RBFOX1: variants seen among roughly 807,000 people sequenced by gnomAD.
RBFOX1 encodes RNA binding fox-1 homolog 1, also known as RNA binding protein fox-1 homolog 1.
RBFOX1 carries 8 observed loss-of-function variants against 57.7 expected under a neutral mutation model. The observed-to-expected ratio is 0.14, with a 90% CI of 0.08 to 0.25. The LOEUF is 0.25. RBFOX1 is among the 10% of genes least tolerant of loss of function. RBFOX1 has a pLI of 1.00. For synonymous variants in RBFOX1, 326 were observed against 222.4 expected (o/e 1.47, Z -4.15); for missense variants, 611 against 548.5 (o/e 1.11, Z -1.14).
chr16:7,317,990 T>C (rs2142998814), intron 4 of RBFOX1, among the ~76,000 whole-genome samples: 1 of 151,948 alleles, frequency 6.6e-6, no homozygotes, highest in South Asian at 2.1e-4. Flanking sequence ...GTGATAGTGG[T>C]GGTGACTGTG....
rs537054974 is a variant in RBFOX1, at chr16:5,411,878, G to C, written c.220-55338G>C. On this transcript the variant is annotated intron_variant, in intron 1 of 2. Transcript: ENST00000585867. ...AGCCTGGGTGACAGAGTGAGACCCT[G>C]TCTCAAAGGAAAAAAAGAAAAGAAA... Among the ~76,000 whole-genome samples the C allele has an allele frequency of 2.6e-5, 4 of 152,184 alleles. 1 individual carries two copies. Among genetic ancestry groups the C allele is most frequent in the African/African-American group, 9.6e-5 (4 of 41,532 alleles).
At chr16:7,611,177 T>A (rs1178675640) in intron 10 of RBFOX1, among the ~76,000 whole-genome samples, 1 of 152,250 alleles carries the variant, frequency 6.6e-6, no homozygotes, top group East Asian at 1.9e-4. Context: ...GAATGAGGCA[T>A]GAAAAGTTCA....
intron 3 of RBFOX1, among the ~76,000 whole-genome samples, chr16:6,822,009 G>A (rs540396116): frequency 1.3e-5 from 2 of 152,242 alleles, no homozygotes; most frequent in South Asian, 2.1e-4. Flanking sequence ...CCTTCTACAT[G>A]ACCAAATAGG....
At chr16:5,271,228 C>T (rs1357087801) in intron 1 of RBFOX1, among the ~76,000 whole-genome samples, 2 of 152,006 alleles carry the variant, frequency 1.3e-5, no homozygotes, top group Non-Finnish European at 2.9e-5. Context: ...GTGGCATGTG[C>T]CTGTAGTCTC....
At chr16:5,364,965 C>G (rs2065669671) in intron 1 of RBFOX1, among the ~76,000 whole-genome samples, 1 of 152,168 alleles carries the variant, frequency 6.6e-6, no homozygotes, top group African/African-American at 2.4e-5. Flanking sequence ...AGGAGGAAGC[C>G]TTGTCTCGGT....
chr16:7,668,443 GA>G lies in RBFOX1; in HGVS notation c.930+3481del, dbSNP rs1241228293. On this transcript the variant is annotated intron_variant, in intron 13 of 15. Transcript: ENST00000550418. ...AAATGCTGTGAGCCAGACACGAAGG[GA>G]AAAAACCAGGACAGCTCATTTGGGC... Among the ~76,000 whole-genome samples, 5 of 152,226 alleles carry G rather than the reference GA, an allele frequency of 3.3e-5. No homozygotes were observed. In the South Asian group the frequency reaches 8.3e-4, roughly 25 times the overall value.
intron 3 of RBFOX1, among the ~76,000 whole-genome samples, chr16:6,725,889 C>G (rs1411724417): frequency 6.6e-6 from 1 of 152,098 alleles, no homozygotes; most frequent in Non-Finnish European, 1.5e-5. Flanking sequence ...AGAGATGATA[C>G]TTGGTAATTC....
intron 3 of RBFOX1, among the ~76,000 whole-genome samples, chr16:6,927,414 C>CAAAAA (rs1194663760): frequency 0.13 from 6,722 of 52,804 alleles, 1,176 homozygotes; most frequent in Middle Eastern, 0.14. Flanking sequence ...CGCTTTCTCA[C>CAAAAA]AAAAAAAAAA....
At chr16:7,495,905 T>C (rs908444407) in intron 4 of RBFOX1, among the ~76,000 whole-genome samples, 4 of 7,914 alleles carry the variant, frequency 5.1e-4, no homozygotes, top group African/African-American at 1.0e-3. Context: ...ACTAGACTAT[T>C]TTTTTTGAAA....
At chr16:7,396,084 C>T (rs977252709) in intron 4 of RBFOX1, among the ~76,000 whole-genome samples, 1 of 152,098 alleles carries the variant, frequency 6.6e-6, no homozygotes, top group Non-Finnish European at 1.5e-5. Flanking sequence ...CCAGGGTGCT[C>T]TCAGCTTGTA....
chr16:6,886,281 C>T (rs893631245), intron 3 of RBFOX1, among the ~76,000 whole-genome samples: 7 of 151,696 alleles, frequency 4.6e-5, no homozygotes, highest in Non-Finnish European at 7.4e-5. Context: ...AGGATAGTCT[C>T]GATCTCTTGA....
At chr16:5,510,998 T>C (rs555286696) in intron 2 of RBFOX1, among the ~76,000 whole-genome samples, 2 of 152,330 alleles carry the variant, frequency 1.3e-5, no homozygotes, top group South Asian at 2.1e-4. Context: ...TCCTTTACTG[T>C]TTTACTTACG....
chr16:7,361,269 C>T (rs1036177285), intron 4 of RBFOX1, among the ~76,000 whole-genome samples: 17 of 152,172 alleles, frequency 1.1e-4, no homozygotes, highest in African/African-American at 3.9e-4. Context: ...GTAGCCATTC[C>T]GTCTCGCTGG....
At chr16:6,797,868 T>C (rs1315270768) in intron 3 of RBFOX1, among the ~76,000 whole-genome samples, 1 of 152,190 alleles carries the variant, frequency 6.6e-6, no homozygotes, top group African/African-American at 2.4e-5. Flanking sequence ...ATCCCATTTC[T>C]ACTAACTGGT....
chr16:5,373,269 G>T (rs1395953196), intron 1 of RBFOX1, among the ~76,000 whole-genome samples: 1 of 152,180 alleles, frequency 6.6e-6, no homozygotes, highest in Non-Finnish European at 1.5e-5. Context: ...GAGAGATAGG[G>T]CCAGTGGGTG....
intron 4 of RBFOX1, among the ~76,000 whole-genome samples, chr16:7,142,425 C>A (rs180782887): frequency 2.6e-5 from 4 of 152,274 alleles, no homozygotes; most frequent in African/African-American, 7.2e-5. Context: ...TGTCACTCTT[C>A]CATCAGCCCC....
At chr16:7,139,589 T>C (rs1029216211) in intron 4 of RBFOX1, among the ~76,000 whole-genome samples, 4 of 152,136 alleles carry the variant, frequency 2.6e-5, no homozygotes, top group Non-Finnish European at 5.9e-5. Context: ...CTACTACTAC[T>C]ACTTTTATCA....
chr16:6,361,748 G>T (rs994803222), intron 2 of RBFOX1, among the ~76,000 whole-genome samples: 8 of 152,110 alleles, frequency 5.3e-5, no homozygotes, highest in Non-Finnish European at 1.0e-4. Flanking sequence ...TGTCTGGAAT[G>T]AGGGCACAGG....
At chr16:5,767,414 T>C (rs1051035743) in intron 3 of RBFOX1, among the ~76,000 whole-genome samples, 4 of 152,210 alleles carry the variant, frequency 2.6e-5, no homozygotes, top group African/African-American at 4.8e-5. Context: ...TGAAGGTTGG[T>C]AGCTGAATTG....
Sources: gnomAD v4.1 joint callset for allele counts (sites outside exome capture counted in the v4.1 genomes callset) on GRCh38, gnomAD v4.1.1 for gene constraint, MANE v1.5 for transcripts, NCBI Gene and HGNC (gene_info 2026-07-23, HGNC 2026-07-21) for gene names.